Variants in TTLL3 observed in about 807,000 individuals in gnomAD.
TTLL3 encodes tubulin monoglycylase TTLL3.
In TTLL3, 63 loss-of-function variants were observed where a neutral mutation model predicts 75.2. That is an observed-to-expected ratio of 0.84 (90% CI 0.68 to 1.03). The LOEUF is 1.03. Among genes scored for constraint, TTLL3 ranks in the 50% least tolerant of loss-of-function variants. TTLL3 has a pLI of 0.00. For missense variants in TTLL3, 997 were observed against 1,069.9 expected (o/e 0.93, Z 0.95); for synonymous variants, 393 against 418.5 (o/e 0.94, Z 0.74).
In TTLL3 at chr3:9,826,109, G is replaced by A. The variant is rs961388697; in HGVS notation, c.1003+161G>A. On this transcript the variant is annotated intron_variant, in intron 9 of 13. Coordinates refer to ENST00000685419, the MANE Select transcript of TTLL3 (RefSeq NM_001387446.1). ...TTCGTGACCTTGAGCAGGTTTTAGC[G>A]CCTCCCTGAACCTCAGTTCCCTCAT... Among the ~76,000 whole-genome samples the A allele has an allele frequency of 5.3e-5, 8 of 152,178 alleles. No individual in the cohort carries two copies. The South Asian group carries it at 6.2e-4, about 12-fold the overall frequency.
intron 7 of TTLL3, 88 bp from the exon 8 acceptor site, chr3:9,820,458 T>C (rs2080305602): frequency 2.6e-6 from 4 of 1,568,280 alleles, no homozygotes; most frequent in African/African-American, 1.4e-5. Flanking sequence ...CTCAGGTAAG[T>C]GACAGGCCTT....
intron 4 of TTLL3, among the ~76,000 whole-genome samples, chr3:9,815,589 C>T (rs1410420937): frequency 6.6e-6 from 1 of 152,234 alleles, no homozygotes; most frequent in Non-Finnish European, 1.5e-5. Flanking sequence ...CTGGGCAAGT[C>T]ACTGATGACC....
At chr3:9,825,399 G>A in intron 8 of TTLL3, 1 of 282,854 alleles carries the variant, frequency 3.5e-6, no homozygotes, top group Non-Finnish European at 7.1e-6. Context: ...CCCTGGCAGG[G>A]CCTTGAGGGC....
chr3:9,811,417 AC>A (rs1356820579), intron 2 of TTLL3, among the ~76,000 whole-genome samples: 1 of 151,932 alleles, frequency 6.6e-6, no homozygotes, highest in East Asian at 1.9e-4. Context: ...CTGTTTCTTC[AC>A]CCACAGGTCT....
At position 9,835,402 on chromosome 3, in the gene TTLL3, G is replaced by A. The variant is rs375794831; in HGVS notation, c.2361G>A (p.Lys787=). 4.3e-6 allele frequency: 7 copies of A among 1,613,466 alleles called. No individual in the cohort carries two copies. The highest frequency in any genetic ancestry group is 1.3e-5 in the African/African-American group (1 of 74,884). Reference sequence around the variant, plus strand: ...CACCAAATAAAAAGAAACAAGTGAAGTATTTGGGGCTTGACTCCATTGCTG... The same window carrying A: ...CACCAAATAAAAAGAAACAAGTGAAATATTTGGGGCTTGACTCCATTGCTG... The part of the protein sequence containing the change: ...DPTPNKKKQV[K]YLGLDSIAVG... Residue 787 remains lysine, a synonymous_variant, in exon 14 of 14, where the codon AAG becomes AAA. Transcript: ENST00000685419.
chr3:9,824,149 CAAT>C (rs1194169011), intron 8 of TTLL3, among the ~76,000 whole-genome samples: 1 of 152,056 alleles, frequency 6.6e-6, no homozygotes, highest in African/African-American at 2.4e-5. Flanking sequence ...GGGATTCAGA[CAAT>C]AACCAAATAA....
intron 12 of TTLL3, 107 bp downstream of exon 12, chr3:9,833,352 C>A (rs1026058761): frequency 3.8e-5 from 58 of 1,533,158 alleles, no homozygotes; most frequent in Non-Finnish European, 4.9e-5. Context: ...CCACTTCAGC[C>A]CCCGGAAAGG....
At chr3:9,826,964 C>T (rs547768927) in intron 9 of TTLL3, 33 bp from the exon 10 acceptor site, 2 of 1,613,418 alleles carry the variant, frequency 1.2e-6, no homozygotes, top group Non-Finnish European at 1.7e-6. Context: ...CACGCCTGAC[C>T]TTCCAATCCC....
At chr3:9,824,104 T>C (rs917965085) in intron 8 of TTLL3, among the ~76,000 whole-genome samples, 3 of 152,142 alleles carry the variant, frequency 2.0e-5, no homozygotes, top group Non-Finnish European at 2.9e-5. Flanking sequence ...CTACAGAAAA[T>C]GTTCCTGCTC....
chr3:9,816,795 C>A (rs1322109931), intron 5 of TTLL3, among the ~76,000 whole-genome samples: 1 of 152,056 alleles, frequency 6.6e-6, no homozygotes, highest in Non-Finnish European at 1.5e-5. Flanking sequence ...TCATGCGCAG[C>A]CTTACCTGGT....
chr3:9,813,961 C>G (rs2079578874), intron 4 of TTLL3, among the ~76,000 whole-genome samples: 1 of 152,006 alleles, frequency 6.6e-6, no homozygotes, highest in Non-Finnish European at 1.5e-5. Context: ...TTCCCCTTCC[C>G]CGCTGCCCTT....
chr3:9,812,901 A>G, intron 2 of TTLL3, 42 bp from the exon 3 acceptor site: 1 of 1,469,720 alleles, frequency 6.8e-7, no homozygotes, highest in Non-Finnish European at 9.0e-7. Context: ...TCTGGCACTT[A>G]TGCAATACTT....
At position 9,825,854 on chromosome 3, in the gene TTLL3, C is replaced by A; in HGVS notation, c.909C>A (p.Ile303=). Residue 303 remains isoleucine, a synonymous_variant, in exon 9 of 14, where the codon ATC becomes ATA. Coordinates refer to ENST00000685419, the MANE Select transcript of TTLL3 (RefSeq NM_001387446.1). ...CTCAGGTCCAGCGCTGTGAGGACAT[C>A]CTGCAGCAGCTGCAGGCCGTGGTAC... ...LDTQVQRCED[I]LQQLQAVVPQ... The A allele has an allele frequency of 6.2e-7, 1 of 1,614,150 alleles. No individual in the cohort carries two copies. Among genetic ancestry groups the A allele is most frequent in the Non-Finnish European group, 8.5e-7 (1 of 1,180,018 alleles).
chr3:9,818,089 A>G (rs2080059071), intron 6 of TTLL3: 1 of 222,412 alleles, frequency 4.5e-6, no homozygotes, highest in African/African-American at 2.3e-5. Flanking sequence ...GGGTTCCAAA[A>G]AAGGCTGCAG....
chr3:9,819,003 C>T, intron 7 of TTLL3, 83 bp downstream of exon 7: 2 of 1,573,928 alleles, frequency 1.3e-6, no homozygotes, highest in Non-Finnish European at 1.7e-6. Flanking sequence ...TTCTACCTAT[C>T]TATTCATCCA....
rs1353050722 is a variant in TTLL3, at chr3:9,810,619, A to C, written c.-41-2A>C. The C allele has an allele frequency of 6.4e-7, 1 of 1,561,942 alleles. No homozygotes were observed. The highest frequency in any genetic ancestry group is 1.4e-5 in the African/African-American group (1 of 74,054). ...CCGCCCCTATTCCGCATCTTTCTGC[A>C]GGTTTCCCGGTCCTCTGGCGAGGAT... On this transcript the variant is annotated splice_acceptor_variant, in intron 1 of 13. Transcript: ENST00000685419. LOFTEE classifies it low-confidence loss of function (5UTR_SPLICE). The surrounding 1 kb of genome is among the most constrained non-coding windows in gnomAD (Gnocchi z 4.4).
intron 12 of TTLL3, among the ~76,000 whole-genome samples, chr3:9,833,635 G>GCCA: frequency 6.6e-6 from 1 of 152,058 alleles, no homozygotes; most frequent in East Asian, 1.9e-4. Context: ...CCACCAAAGA[G>GCCA]CCACCAGTAG....
rs2125710086 is a variant in TTLL3, at chr3:9,818,891, C to T, written c.629C>T (p.Pro210Leu). ...LVVKSEWKSY[P>L]IQAVEEEASG... Reference sequence around the variant, plus strand: ...GTGAAGTCTGAGTGGAAGTCATACCCTATTCAGGCAGTAGAGGAAGAGGCC... The same window carrying T: ...GTGAAGTCTGAGTGGAAGTCATACCTTATTCAGGCAGTAGAGGAAGAGGCC... The change falls in exon 7 of 14, where the codon CCT (proline) becomes CTT (leucine). Residue 210 changes from proline (P) to leucine (L), a missense_variant. Transcript: ENST00000685419. 1 of 1,614,128 alleles carries T rather than the reference C, an allele frequency of 6.2e-7. No homozygotes were observed. Among genetic ancestry groups the T allele is most frequent in the South Asian group, 1.1e-5 (1 of 91,080 alleles).
Position 9,828,910 on chromosome 3 carries a change from A to T in TTLL3, c.1248-50A>T, listed in dbSNP as rs751331340. The T allele has an allele frequency of 4.4e-6, 7 of 1,598,118 alleles. No homozygotes were observed. In the Admixed American group the frequency reaches 1.0e-4, roughly 23 times the overall value. On this transcript the variant is annotated intron_variant, in intron 10 of 13. Transcript: ENST00000685419. The stretch of plus-strand genomic sequence containing the variant: ...ACTTGCCTGTCCTCCCTGAGTTTGG[A>T]TGGGAGAGACACAAGGGCCTGGACC...
Sources: allele counts gnomAD v4.1 joint callset (sites outside exome capture counted in the v4.1 genomes callset), GRCh38; gene constraint gnomAD v4.1.1; non-coding constraint Gnocchi (gnomAD v3.1); transcripts MANE v1.5; gene names NCBI Gene and HGNC (gene_info 2026-07-23, HGNC 2026-07-21).